ATF2: variants seen among roughly 807,000 people sequenced by gnomAD.
ATF2 encodes the protein cyclic AMP-dependent transcription factor ATF-2.
A neutral mutation model predicts 60.6 loss-of-function variants in ATF2; 24 were observed. The observed-to-expected ratio is 0.40, with a 90% CI of 0.29 to 0.56. The LOEUF (loss-of-function observed/expected upper bound fraction) is 0.56, where lower values mean the gene tolerates loss of function less well. Ranked by LOEUF, ATF2 falls within the 20% of genes least tolerant of loss-of-function variation. The pLI, the probability that ATF2 is intolerant of heterozygous loss-of-function variation, is 0.54. For synonymous variants in ATF2, 206 were observed against 215.4 expected (o/e 0.96, Z 0.38); for missense variants, 433 against 607.7 (o/e 0.71, Z 3.02).
At position 175,081,500 on chromosome 2, in the gene ATF2, C is replaced by T. The variant is rs10187077; in HGVS notation, c.1186-735G>A. Among the ~76,000 whole-genome samples the T allele has an allele frequency of 1.8e-3, 270 of 152,108 alleles. 2 individuals carry two copies. Among genetic ancestry groups the T allele is most frequent in the African/African-American group, 5.8e-3 (241 of 41,500 alleles). ...TCCGACTAATTCCTTTGAGTCACCC[C>T]GAATATTAAAAACACGTAAGTCAGT... On this transcript the variant is annotated intron_variant, in intron 12 of 13. Coordinates refer to ENST00000264110, the MANE Select transcript of ATF2 (RefSeq NM_001880.4).
At chr2:175,153,259 G>GC (rs1409388881) in intron 1 of ATF2, among the ~76,000 whole-genome samples, 1 of 152,054 alleles carries the variant, frequency 6.6e-6, no homozygotes, top group African/African-American at 2.4e-5. Context: ...CCTCTGCTTT[G>GC]CCCCCACTAC....
intron 12 of ATF2, among the ~76,000 whole-genome samples, chr2:175,084,221 T>C (rs527402305): frequency 6.6e-6 from 1 of 152,048 alleles, no homozygotes; most frequent in African/African-American, 2.4e-5. Context: ...CTATTCACAA[T>C]AGCAAAGACT....
chr2:175,096,220 C>T (rs1047079239), intron 11 of ATF2, among the ~76,000 whole-genome samples: 81 of 152,100 alleles, frequency 5.3e-4, no homozygotes, highest in African/African-American at 1.9e-3. Flanking sequence ...GTACAATAAT[C>T]CTTTACTAGA....
At chr2:175,147,195 TGAG>T (rs1344528373) in intron 2 of ATF2, among the ~76,000 whole-genome samples, 1 of 152,208 alleles carries the variant, frequency 6.6e-6, no homozygotes. Flanking sequence ...TTAAGTCTGT[TGAG>T]GAAAAGGAAG....
chr2:175,119,253 C>A (rs549325385), intron 5 of ATF2, among the ~76,000 whole-genome samples: 1 of 151,584 alleles, frequency 6.6e-6, no homozygotes, highest in Non-Finnish European at 1.5e-5. Flanking sequence ...GAGTTGGTAG[C>A]ACATTCAAAT....
intron 4 of ATF2, among the ~76,000 whole-genome samples, chr2:175,124,171 T>C (rs1697159964): frequency 6.6e-6 from 1 of 151,852 alleles, no homozygotes; most frequent in Non-Finnish European, 1.5e-5. Flanking sequence ...CTTCCAGGCA[T>C]TTCAAAGCAC....
At chr2:175,098,285 A>C (rs940361512) in intron 10 of ATF2, among the ~76,000 whole-genome samples, 4 of 152,204 alleles carry the variant, frequency 2.6e-5, no homozygotes, top group African/African-American at 9.7e-5. Context: ...TTTTGTTATG[A>C]TCTGTAAATA....
chr2:175,118,012 T>G lies in ATF2; in HGVS notation c.425A>C (p.Glu142Ala). Residue 142 changes from glutamate (E) to alanine (A), a missense_variant, in exon 7 of 14, where the codon GAG becomes GCG. Around this residue, in one of 5 missense-constraint regions of ATF2, gnomAD observed 246 missense variants for 309.3 expected, o/e 0.80. Coordinates refer to ENST00000264110, the MANE Select transcript of ATF2 (RefSeq NM_001880.4). ...AACCTTCTCATCACTGGTAGTAGAC[T>G]CTGGGTGAGGTAAAGGACTATCCTG... ...THQDSPLPHP[E>A]STTSDEKEVP... 6.2e-7 allele frequency: 1 copy of G among 1,610,060 alleles called. No homozygotes were observed. The highest frequency in any genetic ancestry group is 8.5e-7 in the Non-Finnish European group (1 of 1,178,040).
chr2:175,113,851 A>T (rs1696370795), intron 9 of ATF2, 143 bp downstream of exon 9: 5 of 772,456 alleles, frequency 6.5e-6, no homozygotes, highest in Non-Finnish European at 1.1e-5. Flanking sequence ...ATATGCTATT[A>T]CAATGATAAC....
intron 10 of ATF2, among the ~76,000 whole-genome samples, chr2:175,102,032 C>G (rs1049324806): frequency 5.3e-5 from 8 of 151,820 alleles, no homozygotes; most frequent in Admixed American, 5.2e-4. Flanking sequence ...TCCAGCCATA[C>G]ATATTTGTTA....
chr2:175,141,126 A>G (rs1698510218), intron 2 of ATF2, among the ~76,000 whole-genome samples: 1 of 147,444 alleles, frequency 6.8e-6, no homozygotes, highest in African/African-American at 2.5e-5. Context: ...ATCAACTTCA[A>G]GGTTTGTGAA....
chr2:175,160,080 G>A (rs1049665116), intron 1 of ATF2, among the ~76,000 whole-genome samples: 2 of 152,134 alleles, frequency 1.3e-5, no homozygotes, highest in African/African-American at 4.8e-5. Flanking sequence ...ATTATGAAGA[G>A]GGCACAAATA....
At position 175,072,514 on chromosome 2, in the gene ATF2, T is replaced by A. The variant is rs547518744; in HGVS notation, c.*2095A>T. 3.9e-5 allele frequency: 6 copies of A among 152,294 alleles called. No homozygotes were observed. The highest frequency in any genetic ancestry group is 1.3e-4 in the Admixed American group (2 of 15,290). The allele number at this position is 152,294 out of a possible 1,614,324, so 9.4% of individuals were successfully genotyped here. On this transcript the variant is annotated 3_prime_UTR_variant, in exon 14 of 14. Transcript: ENST00000264110. ...CTTGTTAACCGTTTACATGACTTCT[T>A]ACATCTATGTAGTTTTATTTTACAG...
intron 10 of ATF2, among the ~76,000 whole-genome samples, chr2:175,108,348 C>T (rs1390617718): frequency 1.3e-5 from 2 of 150,740 alleles, no homozygotes; most frequent in Admixed American, 6.6e-5. Context: ...CCCGGCCAGC[C>T]GCCTCGTCCG....
chr2:175,157,101 A>G (rs1699736487), intron 1 of ATF2, among the ~76,000 whole-genome samples: 2 of 152,222 alleles, frequency 1.3e-5, no homozygotes, highest in South Asian at 4.1e-4. Context: ...CGTGAAATTC[A>G]GTTTTCTAAA....
chr2:175,075,268 A>G (rs964742170), intron 13 of ATF2, among the ~76,000 whole-genome samples: 5 of 152,186 alleles, frequency 3.3e-5, no homozygotes, highest in African/African-American at 1.2e-4. Flanking sequence ...CATACAAATT[A>G]TATCTTCAAA....
At chr2:175,121,313 T>C in intron 5 of ATF2, 131 bp downstream of exon 5, 1 of 474,540 alleles carries the variant, frequency 2.1e-6, no homozygotes, top group East Asian at 3.4e-5. Flanking sequence ...GTAAAATACA[T>C]GTTGCCAACA....
At chr2:175,092,305 A>C (rs908664773) in intron 12 of ATF2, 1 of 156,630 alleles carries the variant, frequency 6.4e-6, no homozygotes, top group African/African-American at 2.4e-5. Flanking sequence ...TAGACTAATA[A>C]CTGCAATTCA....
chr2:175,136,296 CTTGTT>C (rs2105766927), intron 3 of ATF2, 111 bp downstream of exon 3: 2 of 988,194 alleles, frequency 2.0e-6, no homozygotes, highest in Admixed American at 2.2e-5. Context: ...AAGTAAGTGA[CTTGTT>C]TTGTATGGAA....
Sources: allele counts gnomAD v4.1 joint callset (sites outside exome capture counted in the v4.1 genomes callset), GRCh38; gene constraint gnomAD v4.1.1; regional missense constraint gnomAD v4.1.1; transcripts MANE v1.5; gene names NCBI Gene and HGNC (gene_info 2026-07-23, HGNC 2026-07-21).